The following ARMCX4 variants were observed in gnomAD, a reference collection of about 807,000 sequenced individuals.
ARMCX4 encodes the protein armadillo repeat containing X-linked 4.
Under a neutral mutation model 34.7 loss-of-function variants are expected in ARMCX4, and 3 were observed. That is an observed-to-expected ratio of 0.09 (90% CI 0.04 to 0.22). The LOEUF (loss-of-function observed/expected upper bound fraction) is 0.22. Among genes scored for constraint, ARMCX4 ranks in the 10% least tolerant of loss-of-function variants. The pLI, the probability that ARMCX4 is intolerant of heterozygous loss-of-function variation, is 1.00. For missense variants in ARMCX4, 1,448 were observed against 1,720.8 expected (o/e 0.84, Z 2.81); for synonymous variants, 513 against 632.8 (o/e 0.81, Z 2.84).
intron 2 of ARMCX4, among the ~76,000 whole-genome samples, chrX:101,436,027 T>C (rs1482113188): frequency 4.5e-5 from 5 of 111,841 alleles, no homozygotes; most frequent in African/African-American, 1.6e-4. Context: ...ACCAGTACCA[T>C]GCTGTTTTGG....
At chrX:101,425,320 A>G (rs948155906) in intron 2 of ARMCX4, among the ~76,000 whole-genome samples, 3 of 109,483 alleles carry the variant, frequency 2.7e-5, no homozygotes, top group Non-Finnish European at 5.7e-5. Flanking sequence ...GGATGGATCT[A>G]TTTTCATGGA....
intron 11 of ARMCX4, among the ~76,000 whole-genome samples, chrX:101,522,597 TAGG>T (rs1556019395): frequency 8.9e-6 from 1 of 112,350 alleles, no homozygotes; most frequent in Non-Finnish European, 1.9e-5. Context: ...TTGTGTTAAA[TAGG>T]AGTTTCCTAG....
At chrX:101,485,453 G>C (rs1933653562), upstream of ARMCX4, 7 of 669,140 alleles carry the variant, frequency 1.0e-5, no homozygotes, top group Non-Finnish European at 1.2e-5. Flanking sequence ...CGTTGCAGTC[G>C]TCACTCGCAT....
At chrX:101,508,136 T>C (rs1346699525) in intron 8 of ARMCX4, among the ~76,000 whole-genome samples, 2 of 112,354 alleles carry the variant, frequency 1.8e-5, no homozygotes, top group Admixed American at 1.9e-4. Flanking sequence ...CTATATCATC[T>C]AGGTTTGTGT....
rs151011634 is a variant in ARMCX4 at position 101,522,078 on chromosome X, A to T, written c.*1781-9566A>T. On this transcript the variant is annotated intron_variant and NMD_transcript_variant, in intron 11 of 12. Coordinates refer to the ARMCX4 transcript ENST00000354842. Reference sequence around the variant, plus strand: ...TGTTGATCTTTTATCTAGTTGTTCTATCCATTGTTAGAAGTGGAGTATTGA... The same window carrying T: ...TGTTGATCTTTTATCTAGTTGTTCTTTCCATTGTTAGAAGTGGAGTATTGA... Among the ~76,000 whole-genome samples the T allele has an allele frequency of 5.4e-4, 60 of 111,515 alleles. No homozygotes were observed. The East Asian group carries it at 0.016, about 29-fold the overall frequency.
rs1556014300 is a variant in ARMCX4, at chrX:101,503,595, T to A, written c.*1178-1342T>A. Among the ~76,000 whole-genome samples, 8 of 112,334 alleles carry A rather than the reference T, an allele frequency of 7.1e-5. No homozygotes were observed. In the South Asian group the frequency reaches 2.9e-3, roughly 41 times the overall value. On this transcript the variant is annotated intron_variant and NMD_transcript_variant, in intron 7 of 12. Coordinates refer to the ARMCX4 transcript ENST00000354842. ...TGCATAAATGTCTTCTTTTGAGAAG[T>A]GTCTGTTCATATCCTTCGCCCACTT... is the stretch of plus-strand genomic sequence containing the variant.
chrX:101,501,289 A>G (rs1934293294), intron 7 of ARMCX4, among the ~76,000 whole-genome samples: 1 of 113,303 alleles, frequency 8.8e-6, no homozygotes, highest in Non-Finnish European at 1.9e-5. Flanking sequence ...GATGCATACA[A>G]GAGACAGTCC....
chrX:101,486,984 C>T (rs1467991851), intron 2 of ARMCX4, among the ~76,000 whole-genome samples: 1 of 104,160 alleles, frequency 9.6e-6, no homozygotes, highest in Non-Finnish European at 2.0e-5. Flanking sequence ...AATAACGTGC[C>T]TCTGTCTGTT....
intron 2 of ARMCX4, among the ~76,000 whole-genome samples, chrX:101,436,609 C>G (rs1397615622): frequency 9.0e-6 from 1 of 111,542 alleles, no homozygotes; most frequent in Non-Finnish European, 1.9e-5. Flanking sequence ...ATTTGACTTC[C>G]TCTTTTCCTA....
chrX:101,532,384 C>T (rs1935146178), intron 12 of ARMCX4: 1 of 111,454 alleles, frequency 9.0e-6, no homozygotes, highest in Admixed American at 9.6e-5. Flanking sequence ...GCCATGGTTC[C>T]ATTATATTAA....
At chrX:101,433,638 C>G (rs1380702032) in intron 2 of ARMCX4, among the ~76,000 whole-genome samples, 1 of 111,474 alleles carries the variant, frequency 9.0e-6, no homozygotes, top group African/African-American at 3.3e-5. Flanking sequence ...TAAATGAATC[C>G]CAGTGCTTGG....
chrX:101,428,074 C>T (rs782568426), intron 2 of ARMCX4, among the ~76,000 whole-genome samples: 5 of 112,192 alleles, frequency 4.5e-5, no homozygotes, highest in East Asian at 2.8e-4. Context: ...TATATAAAGA[C>T]GTGTACACCG....
downstream of ARMCX4, among the ~76,000 whole-genome samples, chrX:101,451,816 C>A (rs1555999141): frequency 2.7e-5 from 3 of 112,200 alleles, no homozygotes; most frequent in Non-Finnish European, 5.6e-5. Context: ...TTTTTTCTCT[C>A]AACTCTATGT....
intron 11 of ARMCX4, among the ~76,000 whole-genome samples, chrX:101,525,719 C>T (rs1484635385): frequency 2.7e-5 from 3 of 109,916 alleles, no homozygotes; most frequent in Non-Finnish European, 5.7e-5. Flanking sequence ...GAAAGGGTAC[C>T]GATTCAACCA....
chrX:101,486,937 AAAAAT>A (rs1458540521), intron 2 of ARMCX4, among the ~76,000 whole-genome samples: 13 of 105,782 alleles, frequency 1.2e-4, no homozygotes, highest in African/African-American at 4.6e-4. Context: ...AAAATAAATA[AAAAAT>A]AAAATAAATA....
downstream of ARMCX4, among the ~76,000 whole-genome samples, chrX:101,535,301 T>C (rs1935200228): frequency 1.8e-5 from 2 of 111,487 alleles, no homozygotes; most frequent in African/African-American, 3.3e-5. Context: ...AGTTGAAGGC[T>C]CCAAAAGAAG....
In ARMCX4 at chrX:101,438,490, G is replaced by A. The variant is rs782050302; in HGVS notation, n.165-5562G>A. Among the ~76,000 whole-genome samples, 82 of 111,010 alleles carry A rather than the reference G, an allele frequency of 7.4e-4. 1 individual carries two copies. Among genetic ancestry groups the A allele is most frequent in the Admixed American group, 1.1e-3 (11 of 10,404 alleles). Reference sequence around the variant, plus strand: ...TGAGGCAGGAGAATGGCGTGAACCCGGGAGGCAGAGCTTGCAGTGAGCCAA... The same window carrying A: ...TGAGGCAGGAGAATGGCGTGAACCCAGGAGGCAGAGCTTGCAGTGAGCCAA... On this transcript the variant is annotated intron_variant and non_coding_transcript_variant, in intron 2 of 3. Transcript: ENST00000430461.
chrX:101,463,333 C>G (rs987833313), intron 4 of ARMCX4, among the ~76,000 whole-genome samples: 1 of 111,931 alleles, frequency 8.9e-6, no homozygotes, highest in Non-Finnish European at 1.9e-5. Context: ...GCATGCAAGG[C>G]TCCTCATCCC....
At chrX:101,480,839 T>TG (rs1414453171), upstream of ARMCX4, among the ~76,000 whole-genome samples, 1 of 112,156 alleles carries the variant, frequency 8.9e-6, no homozygotes, top group Non-Finnish European at 1.9e-5. Flanking sequence ...AGGACAATCT[T>TG]GCCAGGTGCA....
Sources: gnomAD v4.1 joint callset for allele counts (sites outside exome capture counted in the v4.1 genomes callset) on GRCh38, gnomAD v4.1.1 for gene constraint, MANE v1.5 for transcripts, NCBI Gene and HGNC (gene_info 2026-07-23, HGNC 2026-07-21) for gene names.